Variants in SAMMSON observed in about 807,000 individuals in gnomAD.
SAMMSON encodes the protein long intergenic non-protein coding RNA 1212.
At chr3:70,100,260 C>T (rs2067338590) in intron 4 of SAMMSON, among the ~76,000 whole-genome samples, 1 of 152,080 alleles carries the variant, frequency 6.6e-6, no homozygotes, top group Non-Finnish European at 1.5e-5. Context: ...AATCCTGCCA[C>T]CTCAGCCCTC....
intron 4 of SAMMSON, among the ~76,000 whole-genome samples, chr3:70,242,179 A>T (rs1240754236): frequency 2.6e-5 from 4 of 152,128 alleles, no homozygotes; most frequent in Admixed American, 1.3e-4. Context: ...GAGGCTGGGG[A>T]TTGGGCTTCT....
intron 3 of SAMMSON, among the ~76,000 whole-genome samples, chr3:70,058,837 T>C (rs954793886): frequency 3.3e-5 from 5 of 152,068 alleles, no homozygotes; most frequent in South Asian, 4.1e-4. Context: ...ACAAATCAAG[T>C]CAGAGAGATT....
At chr3:70,308,400 TA>T (rs1287412581) in intron 7 of SAMMSON, among the ~76,000 whole-genome samples, 4 of 152,118 alleles carry the variant, frequency 2.6e-5, no homozygotes, top group Admixed American at 6.5e-5. Context: ...CCGATTATCT[TA>T]AAAGAGGGTT....
chr3:70,238,147 C>T (rs1350679468), intron 4 of SAMMSON, among the ~76,000 whole-genome samples: 1 of 151,870 alleles, frequency 6.6e-6, no homozygotes, highest in Non-Finnish European at 1.5e-5. Flanking sequence ...ATCTCCTAGC[C>T]ACAGCAGCTT....
chr3:70,277,691 G>C (rs1316580100), intron 6 of SAMMSON, among the ~76,000 whole-genome samples: 1 of 152,132 alleles, frequency 6.6e-6, no homozygotes, highest in African/African-American at 2.4e-5. Flanking sequence ...CACCTCCCGA[G>C]CTTCAGGGCA....
intron 4 of SAMMSON, among the ~76,000 whole-genome samples, chr3:70,133,962 G>A (rs1239659216): frequency 2.0e-5 from 3 of 151,848 alleles, no homozygotes; most frequent in African/African-American, 7.3e-5. Flanking sequence ...AAACAAAATG[G>A]GCCAGGTGCG....
chr3:70,037,882 A>G (rs888029186), intron 3 of SAMMSON, among the ~76,000 whole-genome samples: 1 of 152,168 alleles, frequency 6.6e-6, no homozygotes, highest in African/African-American at 2.4e-5. Context: ...AAGCTAATAA[A>G]GTTGTTGAGC....
intron 4 of SAMMSON, among the ~76,000 whole-genome samples, chr3:70,084,156 T>C (rs564185441): frequency 1.6e-4 from 25 of 152,290 alleles, no homozygotes; most frequent in Admixed American, 1.3e-3. Context: ...TCTCACTTTT[T>C]TTGTGTGTCG....
chr3:70,177,843 C>T (rs1040890656), intron 4 of SAMMSON, among the ~76,000 whole-genome samples: 7 of 152,066 alleles, frequency 4.6e-5, no homozygotes, highest in East Asian at 1.9e-4. Flanking sequence ...ATGGTACCGC[C>T]GGCAACTTTT....
At chr3:70,031,794 C>T (rs1467184060) in intron 3 of SAMMSON, among the ~76,000 whole-genome samples, 1 of 152,168 alleles carries the variant, frequency 6.6e-6, no homozygotes, top group Non-Finnish European at 1.5e-5. Context: ...CATTAAAACA[C>T]TGTAGACCGA....
intron 7 of SAMMSON, among the ~76,000 whole-genome samples, chr3:70,301,363 T>C (rs1702347015): frequency 6.6e-6 from 1 of 152,088 alleles, no homozygotes; most frequent in African/African-American, 2.4e-5. Flanking sequence ...ACCCACATTG[T>C]TTTTGCATGT....
At chr3:70,238,909 T>A (rs540355139) in intron 4 of SAMMSON, among the ~76,000 whole-genome samples, 1 of 152,338 alleles carries the variant, frequency 6.6e-6, no homozygotes, top group African/African-American at 2.4e-5. Context: ...TCTTCCCATC[T>A]CTTTTTAGAG....
At chr3:70,024,730 T>A (rs1334043802) in intron 3 of SAMMSON, 8 of 152,200 alleles carry the variant, frequency 5.3e-5, no homozygotes, top group African/African-American at 1.9e-4. Flanking sequence ...AGACCGTCAT[T>A]TAGGCTGGTT....
chr3:70,395,239 T>TC (rs1033582735), intron 2 of SAMMSON, among the ~76,000 whole-genome samples: 1 of 150,878 alleles, frequency 6.6e-6, no homozygotes, highest in African/African-American at 2.4e-5. Context: ...TCCACTCTTC[T>TC]CCCCTCCTGC....
At chr3:70,164,676 G>GT (rs1199845932) in intron 4 of SAMMSON, among the ~76,000 whole-genome samples, 1 of 152,008 alleles carries the variant, frequency 6.6e-6, no homozygotes, top group Admixed American at 6.6e-5. Context: ...GCTTGGACAA[G>GT]TTTTTTAACC....
chr3:70,314,145 C>T (rs1480769224), intron 7 of SAMMSON, among the ~76,000 whole-genome samples: 3 of 152,110 alleles, frequency 2.0e-5, no homozygotes, highest in African/African-American at 7.2e-5. Context: ...AAACCTTTCT[C>T]ATCTTCCTGA....
intron 9 of SAMMSON, among the ~76,000 whole-genome samples, chr3:70,371,412 C>A (rs1702968007): frequency 1.3e-5 from 2 of 151,950 alleles, no homozygotes; most frequent in Non-Finnish European, 2.9e-5. Flanking sequence ...GTTGTATGAT[C>A]ATTATTGATA....
chr3:70,005,748 G>A (rs751065485), intron 1 of SAMMSON, among the ~76,000 whole-genome samples: 1 of 152,146 alleles, frequency 6.6e-6, no homozygotes, highest in Non-Finnish European at 1.5e-5. Flanking sequence ...CACGTACTTG[G>A]TATTTCTTTT....
chr3:70,189,963 G>T (rs1313898388), intron 4 of SAMMSON, among the ~76,000 whole-genome samples: 1 of 152,140 alleles, frequency 6.6e-6, no homozygotes, highest in Non-Finnish European at 1.5e-5. Context: ...CCAAGAATTG[G>T]ATTTGTTCCC....
Sources: gnomAD v4.1 joint callset for allele counts (sites outside exome capture counted in the v4.1 genomes callset) on GRCh38, gnomAD v4.1.1 for gene constraint, MANE v1.5 for transcripts, NCBI Gene and HGNC (gene_info 2026-07-23, HGNC 2026-07-21) for gene names.